Variants in SPATA13 observed in about 807,000 individuals in gnomAD.
SPATA13 encodes spermatogenesis associated 13, also known as spermatogenesis-associated protein 13.
Under a neutral mutation model 104.0 loss-of-function variants are expected in SPATA13, and 50 were observed. That is an observed-to-expected ratio of 0.48 (90% CI 0.38 to 0.61). The LOEUF (loss-of-function observed/expected upper bound fraction) is 0.61, where lower values mean the gene tolerates loss of function less well. SPATA13 is among the 20% of genes least tolerant of loss of function. The pLI, the probability that SPATA13 is intolerant of heterozygous loss-of-function variation, is 0.00. For missense variants in SPATA13, 1,524 were observed against 1,690.6 expected (o/e 0.90, Z 1.73); for synonymous variants, 606 against 667.5 (o/e 0.91, Z 1.42).
At chr13:24,159,218 G>C (rs951316885), upstream of SPATA13, among the ~76,000 whole-genome samples, 1 of 151,908 alleles carries the variant, frequency 6.6e-6, no homozygotes, top group Non-Finnish European at 1.5e-5. Context: ...AAATAAAATG[G>C]AACAGTCAAT....
intron 3 of SPATA13, among the ~76,000 whole-genome samples, chr13:24,155,214 A>G (rs1478595308): frequency 6.6e-6 from 1 of 152,174 alleles, no homozygotes; most frequent in South Asian, 2.1e-4. Context: ...CAAAGCACCC[A>G]GCTAGTGAAA....
At chr13:24,263,634 G>A (rs1874163523) in intron 4 of SPATA13, among the ~76,000 whole-genome samples, 1 of 152,220 alleles carries the variant, frequency 6.6e-6, no homozygotes, top group Non-Finnish European at 1.5e-5. Context: ...TAAATGCTAT[G>A]TAAATAGTTG....
At chr13:24,284,112 T>C in intron 4 of SPATA13, 23 bp from the exon 5 acceptor site, 1 of 1,586,256 alleles carries the variant, frequency 6.3e-7, no homozygotes, top group Non-Finnish European at 8.6e-7. Context: ...TTTTAAATCA[T>C]GCCTTTGTTT....
In SPATA13 at chr13:24,223,195, G is replaced by T. The variant is rs1220545; in HGVS notation, c.266G>T (p.Arg89Leu). The T allele has an allele frequency of 1.3e-6, 2 of 1,551,636 alleles. No homozygotes were observed. The highest frequency in any genetic ancestry group is 1.2e-5 in the South Asian group (1 of 84,064). The change falls in exon 2 of 13, where the codon CGG (arginine) becomes CTG (leucine). Residue 89 changes from arginine to leucine, a missense_variant. Physicochemically the swap from Arg to Leu is moderately radical, Grantham distance 102 (BLOSUM62 -2). This residue lies in a region of SPATA13 where 1,089 missense variants were observed against 1,135.9 expected (regional missense o/e 0.96). Transcript: ENST00000382108. ...AAGAGGACGGGTGCCCACCCCGAGC[G>T]GCCCCACTCCATGGTCCTGGTGGGG... ...SRKRTGAHPERPHSMVLVGNS... is the reference protein window; with the variant it reads ...SRKRTGAHPELPHSMVLVGNS...
At chr13:24,287,354 G>A (rs1453461416) in intron 7 of SPATA13, among the ~76,000 whole-genome samples, 1 of 152,116 alleles carries the variant, frequency 6.6e-6, no homozygotes, top group African/African-American at 2.4e-5. Flanking sequence ...ATAGAGATAG[G>A]GTCTCACTGC....
At chr13:24,270,348 C>T (rs1566182271) in intron 4 of SPATA13, among the ~76,000 whole-genome samples, 1 of 152,150 alleles carries the variant, frequency 6.6e-6, no homozygotes, top group Non-Finnish European at 1.5e-5. Flanking sequence ...TTATAGCTAA[C>T]TTAATGTAAT....
chr13:24,290,398 G>C (rs181721554), intron 8 of SPATA13, among the ~76,000 whole-genome samples: 1 of 152,274 alleles, frequency 6.6e-6, no homozygotes, highest in Non-Finnish European at 1.5e-5. Context: ...CCAGGGTGCT[G>C]AGTTCCAGGG....
chr13:24,223,703 T>G lies in SPATA13; in HGVS notation c.774T>G (p.Leu258=), dbSNP rs924845792. 1 of 1,552,204 alleles carries G rather than the reference T, an allele frequency of 6.4e-7. No individual in the cohort carries two copies. The change falls in exon 2 of 13, where the codon CTT becomes CTG. Residue 258 remains leucine (L), a synonymous_variant. Transcript: ENST00000382108. ...GYRRSKSTDN[L]AFLKKSSFKR... Reference sequence around the variant, plus strand: ...GGAGGAGCAAGAGCACGGACAATCTTGCCTTTCTGAAGAAGAGCTCCTTTA... The same window carrying G: ...GGAGGAGCAAGAGCACGGACAATCTGGCCTTTCTGAAGAAGAGCTCCTTTA...
chr13:24,234,656 C>CA (rs1416384278), intron 2 of SPATA13, among the ~76,000 whole-genome samples: 2 of 152,198 alleles, frequency 1.3e-5, no homozygotes, highest in Non-Finnish European at 2.9e-5. Context: ...AGTCTGGGGA[C>CA]AAAACCACCA....
At chr13:24,077,112 C>T (rs902387517) in intron 3 of SPATA13, among the ~76,000 whole-genome samples, 2 of 151,962 alleles carry the variant, frequency 1.3e-5, no homozygotes, top group African/African-American at 4.8e-5. Context: ...GGGAAGGGCA[C>T]CACACATCAC....
chr13:24,094,301 C>G (rs76708644), intron 3 of SPATA13, among the ~76,000 whole-genome samples: 3,934 of 152,254 alleles, frequency 0.026, 163 homozygotes, highest in African/African-American at 0.077. Flanking sequence ...ATAGAAAAAC[C>G]AGGTTTTGAC....
chr13:24,046,262 A>G (rs1878138387), intron 3 of SPATA13, among the ~76,000 whole-genome samples: 1 of 150,104 alleles, frequency 6.7e-6, no homozygotes, highest in African/African-American at 2.5e-5. Context: ...GAAGTTACCC[A>G]CTATCCTGAC....
intron 3 of SPATA13, among the ~76,000 whole-genome samples, chr13:24,063,530 A>C (rs1878848144): frequency 6.6e-6 from 1 of 151,836 alleles, no homozygotes; most frequent in Non-Finnish European, 1.5e-5. Flanking sequence ...GATTCTCCAG[A>C]ACCCTCCCTG....
rs80073311 is a variant in SPATA13, at chr13:24,249,790, T to C, written c.1967T>C (p.Val656Ala). The change falls in exon 3 of 13, where the codon GTC becomes GCC. Residue 656 changes from valine to alanine, a missense_variant. Coordinates refer to ENST00000382108, the MANE Select transcript of SPATA13 (RefSeq NM_001166271.3). ...RRRPISVIGG[V>A]SLYGTNQTEE... Reference sequence around the variant, plus strand: ...CGCCCCATTTCCGTGATAGGTGGGGTCAGCTTGTATGGGACCAACCAGACG... The same window carrying C: ...CGCCCCATTTCCGTGATAGGTGGGGCCAGCTTGTATGGGACCAACCAGACG... 30,758 of 1,613,606 alleles carry C rather than the reference T, an allele frequency of 0.019. 369 individuals are homozygous for C. Among genetic ancestry groups the C allele is most frequent in the Middle Eastern group, 0.046 (278 of 6,056 alleles).
chr13:24,138,284 G>A (rs373677211), intron 3 of SPATA13, among the ~76,000 whole-genome samples: 1 of 149,544 alleles, frequency 6.7e-6, no homozygotes, highest in African/African-American at 2.5e-5. Context: ...CCAGCCCAGG[G>A]GACAGAGCAA....
At chr13:24,022,359 TG>T (rs1443098908) in intron 3 of SPATA13, among the ~76,000 whole-genome samples, 1 of 152,252 alleles carries the variant, frequency 6.6e-6, no homozygotes, top group East Asian at 1.9e-4. Flanking sequence ...GTTTCTTAAT[TG>T]CAGTATTCTG....
intron 1 of SPATA13, among the ~76,000 whole-genome samples, chr13:24,214,609 T>C (rs1355706033): frequency 3.9e-5 from 6 of 152,218 alleles, no homozygotes; most frequent in African/African-American, 1.4e-4. Context: ...TAGCCTCAGC[T>C]GCTGCCCTTC....
chr13:24,002,680 G>T (rs1355204249), intron 2 of SPATA13, among the ~76,000 whole-genome samples: 3 of 152,094 alleles, frequency 2.0e-5, no homozygotes, highest in Non-Finnish European at 2.9e-5. Flanking sequence ...AGCCTCGTCC[G>T]GCTCCTTGAG....
In SPATA13 at chr13:24,142,684, C is replaced by T. The variant is rs149806510; in HGVS notation, c.-111-80135C>T. ...CTCTTCCTCATCCTTCTTCCTCTTC[C>T]TCTTCCTCTTCCTTCTTTTTCCTCC... On this transcript the variant is annotated intron_variant, in intron 3 of 14. Coordinates refer to the SPATA13 transcript ENST00000424834. Among the ~76,000 whole-genome samples, 193 of 152,100 alleles carry T rather than the reference C, an allele frequency of 1.3e-3. 1 individual carries two copies. Among genetic ancestry groups the T allele is most frequent in the African/African-American group, 4.5e-3 (185 of 41,458 alleles).
Sources: allele counts gnomAD v4.1 joint callset (sites outside exome capture counted in the v4.1 genomes callset), GRCh38; gene constraint gnomAD v4.1.1; regional missense constraint gnomAD v4.1.1; transcripts MANE v1.5; gene names NCBI Gene and HGNC (gene_info 2026-07-23, HGNC 2026-07-21).